The following HDGFL2 variants were observed in gnomAD, a reference collection of about 807,000 sequenced individuals.
HDGFL2 encodes HDGF like 2.
HDGFL2 carries 36 observed loss-of-function variants against 77.1 expected under a neutral mutation model. That is an observed-to-expected ratio of 0.47 (90% CI 0.36 to 0.62). The LOEUF (loss-of-function observed/expected upper bound fraction) is 0.62. HDGFL2 is among the 20% of genes least tolerant of loss of function. The pLI, the probability that HDGFL2 is intolerant of heterozygous loss-of-function variation, is 0.00. For missense variants in HDGFL2, 976 were observed against 973.4 expected (o/e 1.00, Z -0.04); for synonymous variants, 463 against 413.1 (o/e 1.12, Z -1.46).
At chr19:4,478,703 A>G (rs1399371692) in intron 3 of HDGFL2, among the ~76,000 whole-genome samples, 1 of 149,706 alleles carries the variant, frequency 6.7e-6, no homozygotes, top group East Asian at 2.0e-4. Context: ...TTTTTTTCAG[A>G]CGGTGTCTCA....
chr19:4,499,070 A>T (rs1260681029), intron 13 of HDGFL2, among the ~76,000 whole-genome samples, 155 bp downstream of exon 13: 2 of 152,164 alleles, frequency 1.3e-5, no homozygotes. Context: ...GGTGCTTGCC[A>T]GGAGTGGTGG....
chr19:4,496,199 C>T (rs1008937358), intron 9 of HDGFL2, 103 bp from the exon 10 acceptor site: 73 of 902,974 alleles, frequency 8.1e-5, no homozygotes, highest in Non-Finnish European at 1.0e-4. Context: ...GTGTGGAGGG[C>T]GACAGAAAGG....
intron 8 of HDGFL2, 32 bp from the exon 9 acceptor site, chr19:4,494,134 C>T: frequency 1.3e-6 from 2 of 1,494,906 alleles, no homozygotes; most frequent in Non-Finnish European, 1.8e-6. Flanking sequence ...GAGGGAGGAA[C>T]GGAGGTCCCC....
Position 4,475,481 on chromosome 19 carries a change from C to T in HDGFL2, c.186C>T (p.Asp62=), listed in dbSNP as rs1975048446. The T allele has an allele frequency of 6.2e-7, 1 of 1,611,172 alleles. No individual in the cohort carries two copies. The highest frequency in any genetic ancestry group is 8.5e-7 in the Non-Finnish European group (1 of 1,179,244). Reference sequence around the variant, plus strand: ...GACCCAAGGACCTGTTCCCCTACGACAAATGTAAAGACAAGTACGGGAAGC... The same window carrying T: ...GACCCAAGGACCTGTTCCCCTACGATAAATGTAAAGACAAGTACGGGAAGC... ...FLGPKDLFPY[D]KCKDKYGKPN... Residue 62 remains aspartate (D), a synonymous_variant, in exon 3 of 16, where the codon GAC becomes GAT. Transcript: ENST00000616600.
chr19:4,494,758 A>C (rs1339179536), intron 9 of HDGFL2, among the ~76,000 whole-genome samples: 1 of 152,042 alleles, frequency 6.6e-6, no homozygotes, highest in Non-Finnish European at 1.5e-5. Context: ...CTCTATAAAA[A>C]CCTTAAAAAA....
At chr19:4,497,273 CT>C (rs1264218183) in intron 10 of HDGFL2, 18 of 401,788 alleles carry the variant, frequency 4.5e-5, no homozygotes, top group African/African-American at 3.5e-4. Flanking sequence ...TCTCAGCTCA[CT>C]GCAACCTCTG....
rs1185355944 is a variant in HDGFL2 at position 4,499,507 on chromosome 19, C to T, written c.1592C>T (p.Ala531Val). The change falls in exon 14 of 16, where the codon GCG becomes GTG. Residue 531 changes from alanine (A) to valine (V), a missense_variant. Coordinates refer to ENST00000616600, the MANE Select transcript of HDGFL2 (RefSeq NM_001001520.3). ...ATLKKIRRYK[A>V]NKDVMEKAAE... ...GGTGGCCAGATTCGCCGTTACAAAG[C>T]GAACAAGGACGTAATGGAGAAGGCA... The T allele has an allele frequency of 6.2e-7, 1 of 1,613,432 alleles. No individual in the cohort carries two copies. Among genetic ancestry groups the T allele is most frequent in the Non-Finnish European group, 8.5e-7 (1 of 1,179,838 alleles).
chr19:4,486,745 C>T (rs1386810934), intron 3 of HDGFL2, among the ~76,000 whole-genome samples: 1 of 152,036 alleles, frequency 6.6e-6, no homozygotes, highest in African/African-American at 2.4e-5. Context: ...CACGGCCTAA[C>T]TCTTCATCCT....
At chr19:4,487,396 G>A (rs572524056) in intron 3 of HDGFL2, among the ~76,000 whole-genome samples, 13 of 152,172 alleles carry the variant, frequency 8.5e-5, no homozygotes, top group African/African-American at 3.1e-4. Context: ...AGCTGGGACC[G>A]CAGGCCCACA....
Position 4,494,425 on chromosome 19 carries a change from G to T in HDGFL2, c.1174G>T (p.Gly392Cys). The T allele has an allele frequency of 7.1e-7, 1 of 1,407,676 alleles. No homozygotes were observed. The allele number at this position is 1,407,676 out of a possible 1,614,324, so 87.2% of individuals were successfully genotyped here. A position where few individuals can be genotyped will look rare whatever the true frequency, so the allele number is the denominator to read the frequency against. The change falls in exon 9 of 16, where the codon GGT becomes TGT. Residue 392 changes from glycine to cysteine, a missense_variant. Physicochemically the swap from Gly to Cys is radical, Grantham distance 159. Coordinates refer to ENST00000616600, the MANE Select transcript of HDGFL2 (RefSeq NM_001001520.3). ...GCGGGGACGCAAGGGCCGGGGCCGG[G>T]GTCCCCCGTCCTCCTCTGACTCCGA... ...KKRGRKGRGR[G>C]PPSSSDSEPE...
chr19:4,476,226 C>T (rs1360929610), intron 3 of HDGFL2, among the ~76,000 whole-genome samples: 5 of 129,304 alleles, frequency 3.9e-5, no homozygotes, highest in African/African-American at 1.5e-4. Flanking sequence ...CAGAGTCTTG[C>T]TCTGTTGCCC....
Position 4,475,346 on chromosome 19 carries a change from C to T in HDGFL2, c.144C>T (p.His48=). Reference sequence around the variant, plus strand: ...ACCCCATCTTTTTCTTTGGCACACACGAAACGTAAGTGTCCCCTTCTGGGG... The same window carrying T: ...ACCCCATCTTTTTCTTTGGCACACATGAAACGTAAGTGTCCCCTTCTGGGG... ...NKYPIFFFGT[H]ETAFLGPKDL... is the part of the protein sequence containing the mutation. Residue 48 remains histidine (H), a synonymous_variant, in exon 2 of 16, where the codon CAC becomes CAT. Coordinates refer to ENST00000616600, the MANE Select transcript of HDGFL2 (RefSeq NM_001001520.3). 3 of 1,614,088 alleles carry T rather than the reference C, an allele frequency of 1.9e-6. No homozygotes were observed. Among genetic ancestry groups the T allele is most frequent in the East Asian group, 2.2e-5 (1 of 44,872 alleles).
intron 7 of HDGFL2, 31 bp downstream of exon 7, chr19:4,493,893 C>T (rs762998765): frequency 1.4e-5 from 21 of 1,510,650 alleles, no homozygotes; most frequent in Non-Finnish European, 1.8e-5. Flanking sequence ...CATCTCTTGG[C>T]CTGGCCCCTG....
intron 3 of HDGFL2, among the ~76,000 whole-genome samples, chr19:4,484,189 T>A (rs10424483): frequency 0.078 from 11,710 of 150,648 alleles, 494 homozygotes; most frequent in African/African-American, 0.12. Flanking sequence ...GTTCAAGTGA[T>A]TCTCGTGCCT....
chr19:4,491,887 G>C (rs976727350), intron 6 of HDGFL2, 52 bp downstream of exon 6: 1 of 1,509,880 alleles, frequency 6.6e-7, no homozygotes, highest in African/African-American at 1.4e-5. Context: ...GCACCTCTGC[G>C]GTCTCCAGTG....
intron 15 of HDGFL2, 105 bp downstream of exon 15, chr19:4,501,422 C>A: frequency 7.4e-7 from 1 of 1,355,282 alleles, no homozygotes; most frequent in Non-Finnish European, 9.9e-7. Context: ...GGGATGGGTC[C>A]CAGGGATGTC....
At position 4,494,211 on chromosome 19, in the gene HDGFL2, CGAGGCGCGGAGGCGCGAGCTG is replaced by C. The variant is rs1271991640; in HGVS notation, c.966_986del (p.Glu326_Arg332del). 2 of 1,471,982 alleles carry C rather than the reference CGAGGCGCGGAGGCGCGAGCTG, an allele frequency of 1.4e-6. No homozygotes were observed. The highest frequency in any genetic ancestry group is 1.8e-6 in the Non-Finnish European group (2 of 1,115,438). The allele number at this position is 1,471,982 out of a possible 1,614,324, so 91.2% of individuals were successfully genotyped here. On this transcript the variant is annotated inframe_deletion, in exon 9 of 16. Coordinates refer to ENST00000616600, the MANE Select transcript of HDGFL2 (RefSeq NM_001001520.3). Reference sequence around the variant, plus strand: ...GCATCAGTGAGTGGAAGCGGCGGGACGAGGCGCGGAGGCGCGAGCTGGAGGCCCGGCGGCGGCGAGAGCAGG... The same window carrying C: ...GCATCAGTGAGTGGAAGCGGCGGGACGAGGCCCGGCGGCGGCGAGAGCAGG...
In HDGFL2 at chr19:4,501,149, C is replaced by G. The variant is rs373052360; in HGVS notation, c.1790-42C>G. 31 of 1,610,764 alleles carry G rather than the reference C, an allele frequency of 1.9e-5. 1 individual carries two copies. The South Asian group carries it at 2.7e-4, about 14-fold the overall frequency. On this transcript the variant is annotated intron_variant, in intron 14 of 15. Coordinates refer to ENST00000616600, the MANE Select transcript of HDGFL2 (RefSeq NM_001001520.3). ...CAGGCAAGGGTTCTGGGGTGCCCAGCTGGAGCCCAGCAGTGTCCTGTGACC... is the reference window on the plus strand; with the variant it reads ...CAGGCAAGGGTTCTGGGGTGCCCAGGTGGAGCCCAGCAGTGTCCTGTGACC...
intron 1 of HDGFL2, among the ~76,000 whole-genome samples, chr19:4,474,123 G>A (rs933370904): frequency 1.3e-5 from 2 of 152,054 alleles, no homozygotes; most frequent in African/African-American, 4.8e-5. Flanking sequence ...CAGGTCTTAG[G>A]GCTGAGTCTC....
Sources: gnomAD v4.1 joint callset for allele counts (sites outside exome capture counted in the v4.1 genomes callset) on GRCh38, gnomAD v4.1.1 for gene constraint, MANE v1.5 for transcripts, NCBI Gene and HGNC (gene_info 2026-07-23, HGNC 2026-07-21) for gene names.